Variants in GPHN observed in about 807,000 individuals in gnomAD.
GPHN encodes the protein gephyrin.
A neutral mutation model predicts 95.5 loss-of-function variants in GPHN; 17 were observed. The observed-to-expected ratio is 0.18, with a 90% CI of 0.12 to 0.27. The LOEUF (loss-of-function observed/expected upper bound fraction) is 0.27, where lower values mean the gene tolerates loss of function less well. Ranked by LOEUF, GPHN falls within the 10% of genes least tolerant of loss-of-function variation. GPHN has a pLI of 1.00. For missense variants in GPHN, 660 were observed against 978.1 expected (o/e 0.67, Z 4.34); for synonymous variants, 320 against 322.5 (o/e 0.99, Z 0.08).
At chr14:67,056,337 G>T (rs1340465028) in intron 10 of GPHN, among the ~76,000 whole-genome samples, 3 of 151,650 alleles carry the variant, frequency 2.0e-5, no homozygotes, top group Admixed American at 6.6e-5. Context: ...GCTAGACACA[G>T]AGCACTGATT....
chr14:67,482,630 G>T, the GPHN span, among the ~76,000 whole-genome samples: 1 of 152,244 alleles, frequency 6.6e-6, no homozygotes, highest in Non-Finnish European at 1.5e-5. Flanking sequence ...CCCTTGGGCG[G>T]CTCTGTGCTG....
intron 3 of GPHN, among the ~76,000 whole-genome samples, chr14:66,820,851 T>G (rs2153490004): frequency 6.6e-6 from 1 of 152,300 alleles, no homozygotes; most frequent in Non-Finnish European, 1.5e-5. Flanking sequence ...TACTCTTTTA[T>G]GTTGATTTTA....
At chr14:67,343,404 A>G in the GPHN span, 1 of 1,612,222 alleles carries the variant, frequency 6.2e-7, no homozygotes, top group Non-Finnish European at 8.5e-7. Flanking sequence ...CCTGTTGGTT[A>G]TCTTAATAGC....
the GPHN span, among the ~76,000 whole-genome samples, chr14:67,316,222 G>A: frequency 6.6e-6 from 1 of 152,122 alleles, no homozygotes; most frequent in Non-Finnish European, 1.5e-5. Context: ...CTCTTTCAAG[G>A]TCAGGAACCT....
chr14:66,841,547 G>A (rs2062088583), intron 4 of GPHN, among the ~76,000 whole-genome samples: 2 of 152,144 alleles, frequency 1.3e-5, no homozygotes, highest in Admixed American at 1.3e-4. Context: ...GTAAACAGAT[G>A]CAATAAGATA....
intron 1 of GPHN, among the ~76,000 whole-genome samples, chr14:66,604,860 CT>C (rs972086669): frequency 6.7e-5 from 9 of 134,214 alleles, no homozygotes; most frequent in East Asian, 2.6e-4. Context: ...TCCCTCCCCC[CT>C]CCCTCCTTTA....
the GPHN span, among the ~76,000 whole-genome samples, chr14:67,546,538 G>A: frequency 3.0e-3 from 462 of 152,124 alleles, 6 homozygotes; most frequent in South Asian, 0.02. Flanking sequence ...TTACAGGCGC[G>A]CGCCACCACG....
chr14:67,576,018 G>T, the GPHN span: 1 of 1,594,172 alleles, frequency 6.3e-7, no homozygotes, highest in South Asian at 1.1e-5. The surrounding 1 kb of genome is among the most constrained non-coding windows in gnomAD (Gnocchi z 4.0). Context: ...AAGGAAGAGG[G>T]CTGGGCCTCC....
At chr14:67,192,320 A>T in the GPHN span, among the ~76,000 whole-genome samples, 2 of 152,232 alleles carry the variant, frequency 1.3e-5, no homozygotes, top group African/African-American at 4.8e-5. Flanking sequence ...ATGATAGCCC[A>T]TAACAACCCT....
At chr14:67,271,594 G>C in the GPHN span, 3 of 152,390 alleles carry the variant, frequency 2.0e-5, no homozygotes, top group East Asian at 5.8e-4. Flanking sequence ...GCAAAGATCA[G>C]ATCCTAGGCA....
At chr14:67,570,155 T>C in the GPHN span, 1 of 703,664 alleles carries the variant, frequency 1.4e-6, no homozygotes, top group Non-Finnish European at 2.3e-6. Flanking sequence ...ACGTGTCATT[T>C]TGTTTTATTG....
At chr14:66,760,391 C>G (rs1014212048) in intron 2 of GPHN, 1 of 155,302 alleles carries the variant, frequency 6.4e-6, no homozygotes, top group Non-Finnish European at 1.4e-5. Context: ...ATGTTTTGCA[C>G]GCTTTGTATA....
chr14:67,503,094 G>A, the GPHN span, among the ~76,000 whole-genome samples: 6 of 152,238 alleles, frequency 3.9e-5, no homozygotes, highest in Non-Finnish European at 4.4e-5. Context: ...AGATAGTGGC[G>A]CTGCACGGAG....
At chr14:66,772,888 C>A (rs1447759175) in intron 2 of GPHN, among the ~76,000 whole-genome samples, 1 of 152,128 alleles carries the variant, frequency 6.6e-6, no homozygotes, top group Non-Finnish European at 1.5e-5. Context: ...TATACAGATA[C>A]CGTTTGCCCC....
At chr14:67,206,860 A>G in the GPHN span, among the ~76,000 whole-genome samples, 1 of 152,008 alleles carries the variant, frequency 6.6e-6, no homozygotes, top group Non-Finnish European at 1.5e-5. Context: ...CTTTCCAAGT[A>G]GCTGGGATTA....
chr14:67,533,389 C>G, the GPHN span: 1 of 151,636 alleles, frequency 6.6e-6, no homozygotes, highest in Middle Eastern at 3.4e-3. Context: ...CGGCCGCGAG[C>G]TCGCTGGAGG....
intron 2 of GPHN, chr14:66,709,407 G>C (rs1412134058): frequency 2.2e-6 from 1 of 455,900 alleles, no homozygotes; most frequent in Non-Finnish European, 4.4e-6. Context: ...AGATACTACT[G>C]AACCCAAGTA....
chr14:67,368,367 G>C, the GPHN span, among the ~76,000 whole-genome samples: 64 of 152,134 alleles, frequency 4.2e-4, no homozygotes, highest in Non-Finnish European at 6.3e-4. Context: ...GCATAAGAAA[G>C]GCATGCTACC....
At chr14:67,257,840 A>T in the GPHN span, among the ~76,000 whole-genome samples, 1 of 152,194 alleles carries the variant, frequency 6.6e-6, no homozygotes. Context: ...TTTTTAAAAA[A>T]TACACACATA....
Sources: gnomAD v4.1 joint callset for allele counts (sites outside exome capture counted in the v4.1 genomes callset) on GRCh38, gnomAD v4.1.1 for gene constraint, Gnocchi (gnomAD v3.1) non-coding constraint, MANE v1.5 for transcripts, NCBI Gene and HGNC (gene_info 2026-07-23, HGNC 2026-07-21) for gene names.